ASGR1: variants seen among roughly 807,000 people sequenced by gnomAD.
The protein encoded by ASGR1 is C-type lectin domain family 4 member H1.
In ASGR1, 35 loss-of-function variants were observed where a neutral mutation model predicts 33.1. The observed-to-expected ratio is 1.06, with a 90% CI of 0.81 to 1.40. The LOEUF (loss-of-function observed/expected upper bound fraction) is 1.40. Among genes scored for constraint, ASGR1 ranks in the 40% most tolerant of loss-of-function variants. The pLI is 0.00. For missense variants in ASGR1, 396 were observed against 373.7 expected, an observed-to-expected ratio of 1.06 and a Z score of -0.49; for synonymous variants, 142 against 152.5, an observed-to-expected ratio of 0.93 and a Z score of 0.51.
rs1174945392 is a variant in ASGR1 at position 7,178,532 on chromosome 17, A to G, written c.32T>C (p.Leu11Pro). 1 of 1,613,852 alleles carries G rather than the reference A, an allele frequency of 6.2e-7. No homozygotes were observed. Among genetic ancestry groups the G allele is most frequent in the African/African-American group, 1.3e-5 (1 of 74,866 alleles). MTKEYQDLQH[L>P]DNEESDHHQL... ...ATGGTGGTCACTCTCCTCATTGTCC[A>G]GATGCTGAAGGTCTTGATACTCCTT... is the stretch of plus-strand genomic sequence containing the variant. Residue 11 changes from leucine (L) to proline (P), a missense_variant, in exon 2 of 9, where the codon CTG becomes CCG. Coordinates refer to ENST00000269299, the MANE Select transcript of ASGR1 (RefSeq NM_001671.5).
At chr17:7,175,955 AACAC>A (rs1292820743) in intron 5 of ASGR1, among the ~76,000 whole-genome samples, 1 of 141,916 alleles carries the variant, frequency 7.0e-6, no homozygotes, top group Non-Finnish European at 1.5e-5. Context: ...AACACACACT[AACAC>A]ACATACACAC....
At chr17:7,174,339 G>C in intron 6 of ASGR1, 35 bp downstream of exon 6, 1 of 1,613,852 alleles carries the variant, frequency 6.2e-7, no homozygotes, top group Non-Finnish European at 8.5e-7. Context: ...CAGAGAAGGG[G>C]GGAGGCAGAG....
chr17:7,173,468 T>G lies in ASGR1; in HGVS notation c.*191A>C. On this transcript the variant is annotated 3_prime_UTR_variant, in exon 9 of 9. Transcript: ENST00000269299. The surrounding 1 kb of genome is among the most constrained non-coding windows in gnomAD (Gnocchi z 4.7). ...TCTTTTTACTCTTAAAAAAAAAAAG[T>G]TCACAATGATAACCTGCAAACTGCA... is the stretch of plus-strand genomic sequence containing the variant. 7 of 679,858 alleles carry G rather than the reference T, an allele frequency of 1.0e-5. No homozygotes were observed. Among genetic ancestry groups the G allele is most frequent in the African/African-American group, 7.8e-5 (4 of 51,548 alleles). 42.1% of individuals were successfully genotyped at this position (679,858 alleles called of 1,614,324 possible). A position where few individuals can be genotyped will look rare whatever the true frequency, so the allele number is the denominator to read the frequency against.
At chr17:7,177,462 G>A (rs1453559547) in intron 2 of ASGR1, 136 bp from the exon 3 acceptor site, 24 of 666,666 alleles carry the variant, frequency 3.6e-5, no homozygotes. Context: ...TGCGGGCGGT[G>A]GGCGACCCTG....
At position 7,173,707 on chromosome 17, in the gene ASGR1, G is replaced by C; in HGVS notation, c.828C>G (p.Val276=). 6.2e-7 allele frequency: 1 copy of C among 1,613,970 alleles called. No homozygotes were observed. Among genetic ancestry groups the C allele is most frequent in the Non-Finnish European group, 8.5e-7 (1 of 1,180,034 alleles). ...DDVCQRPYRW[V]CETELDKASQ... The stretch of plus-strand genomic sequence containing the variant: ...TGGCCTTGTCCAGCTCTGTCTCGCA[G>C]ACCCAGCGGTAGGGCCTCTGGCAGA... The change falls in exon 9 of 9, where the codon GTC becomes GTG. Residue 276 remains valine, a synonymous_variant. Transcript: ENST00000269299. This position sits in a 1 kb window ranked among gnomAD's most constrained non-coding sequence, Gnocchi z 4.7.
intron 4 of ASGR1, 39 bp from the exon 5 acceptor site, chr17:7,176,940 C>T (rs181344252): frequency 1.9e-6 from 3 of 1,573,676 alleles, no homozygotes; most frequent in Non-Finnish European, 2.6e-6. Context: ...GACAGCCCCC[C>T]AGCCCCAGCC....
chr17:7,176,074 CTTCTCA>C (rs2069199575), intron 5 of ASGR1, among the ~76,000 whole-genome samples: 1 of 146,754 alleles, frequency 6.8e-6, no homozygotes, highest in Non-Finnish European at 1.5e-5. Context: ...CCATCCACTC[CTTCTCA>C]TTCTCACACT....
At chr17:7,177,382 C>A in intron 2 of ASGR1, 56 bp from the exon 3 acceptor site, 1 of 1,447,132 alleles carries the variant, frequency 6.9e-7, no homozygotes, top group Non-Finnish European at 9.6e-7. Flanking sequence ...TGGCACAGCT[C>A]CAGGGTCCTA....
intron 5 of ASGR1, among the ~76,000 whole-genome samples, chr17:7,175,311 CCTTCACCCACGACACACACAACACACCTT>C (rs891417663): frequency 2.9e-5 from 4 of 140,322 alleles, no homozygotes; most frequent in African/African-American, 1.2e-4. Context: ...ACACAACACA[CCTTCACCCACGACACACACAACACACCTT>C]CACCCACACA....
chr17:7,175,816 GAC>G (rs748217657), intron 5 of ASGR1, among the ~76,000 whole-genome samples: 71 of 128,986 alleles, frequency 5.5e-4, no homozygotes, highest in Middle Eastern at 0.011. Context: ...CATTCTCACA[GAC>G]ACACACTCAG....
chr17:7,176,410 C>T (rs1279142407), intron 5 of ASGR1, among the ~76,000 whole-genome samples: 1 of 149,978 alleles, frequency 6.7e-6, no homozygotes, highest in Non-Finnish European at 1.5e-5. Flanking sequence ...CATTATCACA[C>T]TCACAGACAC....
intron 2 of ASGR1, 57 bp downstream of exon 2, chr17:7,178,437 G>A: frequency 6.5e-7 from 1 of 1,528,326 alleles, no homozygotes; most frequent in East Asian, 2.2e-5. Flanking sequence ...GCTGTGGCTG[G>A]GGGGTGGAGA....
rs1350469206 is a variant in ASGR1 at position 7,178,237 on chromosome 17, T to C, written c.70+257A>G. On this transcript the variant is annotated intron_variant, in intron 2 of 8. Transcript: ENST00000269299. ...ACCTCATCTCTCCAGCTTCCAGCTG[T>C]TCCCACACCCCCGGGTCCACCTCCG... 9.5e-6 allele frequency: 5 copies of C among 527,326 alleles called. No homozygotes were observed. In the African/African-American group the frequency reaches 9.5e-5, roughly 10 times the overall value. The allele number at this position is 527,326 out of a possible 1,614,324, so 32.7% of individuals were successfully genotyped here.
At chr17:7,178,420 A>AT in intron 2 of ASGR1, 74 bp downstream of exon 2, 1 of 1,446,554 alleles carries the variant, frequency 6.9e-7, no homozygotes, top group Non-Finnish European at 9.7e-7. Context: ...CACGGGCAAG[A>AT]GTAGGAGCTG....
chr17:7,178,696 A>C, intron 1 of ASGR1, 108 bp from the exon 2 acceptor site: 1 of 582,240 alleles, frequency 1.7e-6, no homozygotes, highest in South Asian at 3.0e-5. Flanking sequence ...CATCATGGAG[A>C]CCTTTCTTCT....
At position 7,174,270 on chromosome 17, in the gene ASGR1, G is replaced by A. The variant is rs1307118136; in HGVS notation, c.462C>T (p.Cys154=). Residue 154 remains cysteine, a synonymous_variant, in exon 7 of 9, where the codon TGC becomes TGT. Transcript: ENST00000269299. ...GCTCGTGCTCCACCCAGTTGACCGG[G>A]CAGCAGGTCCTTTCTGAGCCTGAGC... The part of the protein sequence containing the change: ...LQGNGSERTC[C]PVNWVEHERS... The A allele has an allele frequency of 8.7e-6, 14 of 1,613,974 alleles. No homozygotes were observed. Among genetic ancestry groups the A allele is most frequent in the South Asian group, 1.1e-5 (1 of 91,086 alleles).
intron 5 of ASGR1, chr17:7,176,586 A>G (rs1030834453): frequency 1.7e-6 from 1 of 582,234 alleles, no homozygotes; most frequent in Non-Finnish European, 3.0e-6. Context: ...ACAGACTCAC[A>G]CACACTCCAT....
chr17:7,177,567 T>C (rs2069232971), intron 2 of ASGR1: 1 of 493,704 alleles, frequency 2.0e-6, no homozygotes, highest in East Asian at 3.4e-5. Flanking sequence ...CCTGAGCTTT[T>C]GCTGACACCT....
At chr17:7,174,817 CAG>C (rs778596111) in intron 5 of ASGR1, among the ~76,000 whole-genome samples, 33 of 150,840 alleles carry the variant, frequency 2.2e-4, no homozygotes, top group Non-Finnish European at 4.0e-4. Context: ...AGACAACACA[CAG>C]AGACACACAA....
Sources: gnomAD v4.1 joint callset for allele counts (sites outside exome capture counted in the v4.1 genomes callset) on GRCh38, gnomAD v4.1.1 for gene constraint, Gnocchi (gnomAD v3.1) non-coding constraint, MANE v1.5 for transcripts, NCBI Gene and HGNC (gene_info 2026-07-23, HGNC 2026-07-21) for gene names.